Variants in ADAMTSL1 observed in about 807,000 individuals in gnomAD.
ADAMTSL1 encodes ADAMTS like 1.
ADAMTSL1 carries 126 observed loss-of-function variants against 201.8 expected under a neutral mutation model. That is an observed-to-expected ratio of 0.62 (90% CI 0.54 to 0.72). ADAMTSL1 has a LOEUF of 0.72. ADAMTSL1 is among the 30% of genes least tolerant of loss of function. ADAMTSL1 has a pLI of 0.00. For missense variants in ADAMTSL1, 2,679 were observed against 2,277.8 expected, an observed-to-expected ratio of 1.18 and a Z score of -3.59; for synonymous variants, 1,121 against 903.4, an observed-to-expected ratio of 1.24 and a Z score of -4.32.
intron 1 of ADAMTSL1, among the ~76,000 whole-genome samples, chr9:18,161,482 A>T (rs1403582792): frequency 6.6e-6 from 1 of 152,106 alleles, no homozygotes; most frequent in Non-Finnish European, 1.5e-5. Flanking sequence ...TTCATAAAAT[A>T]TGGGATTCAA....
At chr9:18,590,748 A>T (rs1325970247) in intron 4 of ADAMTSL1, among the ~76,000 whole-genome samples, 1 of 152,050 alleles carries the variant, frequency 6.6e-6, no homozygotes, top group Non-Finnish European at 1.5e-5. Flanking sequence ...ATTTTTAAAA[A>T]TTCCTTCTTT....
chr9:18,346,895 A>G (rs781627763), intron 2 of ADAMTSL1, among the ~76,000 whole-genome samples: 1 of 152,170 alleles, frequency 6.6e-6, no homozygotes, highest in Non-Finnish European at 1.5e-5. Flanking sequence ...CTGTCAGACA[A>G]TGGAAGGCCC....
intron 2 of ADAMTSL1, among the ~76,000 whole-genome samples, chr9:18,323,301 A>G (rs1834699589): frequency 6.6e-6 from 1 of 152,226 alleles, no homozygotes; most frequent in African/African-American, 2.4e-5. Flanking sequence ...AATCAGCTCA[A>G]TGGAGTAATA....
At chr9:18,799,450 C>A (rs986605384) in intron 20 of ADAMTSL1, among the ~76,000 whole-genome samples, 1 of 152,148 alleles carries the variant, frequency 6.6e-6, no homozygotes, top group African/African-American at 2.4e-5. Flanking sequence ...AGGTAAATTG[C>A]TTCAGTCTGG....
At chr9:17,964,019 G>C (rs1222821080) in intron 1 of ADAMTSL1, among the ~76,000 whole-genome samples, 1 of 151,988 alleles carries the variant, frequency 6.6e-6, no homozygotes, top group Non-Finnish European at 1.5e-5. Flanking sequence ...GCACCAATTA[G>C]ACAAAGTTTT....
intron 23 of ADAMTSL1, among the ~76,000 whole-genome samples, chr9:18,867,714 C>T (rs1369338998): frequency 6.6e-6 from 1 of 152,120 alleles, no homozygotes; most frequent in South Asian, 2.1e-4. Context: ...GCAACCTCTG[C>T]CTCCTGAGTT....
intron 1 of ADAMTSL1, among the ~76,000 whole-genome samples, chr9:18,015,249 A>G (rs1317138303): frequency 2.0e-5 from 3 of 152,020 alleles, no homozygotes; most frequent in Non-Finnish European, 4.4e-5. Flanking sequence ...CTCTCTCTCA[A>G]TCTCTGTCTC....
intron 2 of ADAMTSL1, among the ~76,000 whole-genome samples, chr9:18,399,641 G>A (rs966619049): frequency 6.6e-5 from 10 of 151,772 alleles, no homozygotes; most frequent in South Asian, 2.1e-4. Flanking sequence ...ATGAGCCACC[G>A]CACCTGGCTA....
At chr9:18,273,424 G>A (rs1336667798) in intron 2 of ADAMTSL1, among the ~76,000 whole-genome samples, 2 of 152,172 alleles carry the variant, frequency 1.3e-5, no homozygotes, top group Non-Finnish European at 2.9e-5. Flanking sequence ...ACTTTTAGTT[G>A]TGTTATTGGA....
chr9:18,585,848 A>C (rs1291299274), intron 4 of ADAMTSL1, among the ~76,000 whole-genome samples: 1 of 152,110 alleles, frequency 6.6e-6, no homozygotes, highest in African/African-American at 2.4e-5. Flanking sequence ...AACTAAAGAC[A>C]ATAGTCCCAG....
At chr9:18,158,365 G>T (rs1417822681) in intron 1 of ADAMTSL1, among the ~76,000 whole-genome samples, 1 of 151,750 alleles carries the variant, frequency 6.6e-6, no homozygotes, top group Non-Finnish European at 1.5e-5. Context: ...CTTTACAGTT[G>T]AATTACTGTT....
At chr9:18,824,013 G>A (rs150190109) in intron 21 of ADAMTSL1, among the ~76,000 whole-genome samples, 8,658 of 151,516 alleles carry the variant, frequency 0.057, 274 homozygotes, top group South Asian at 0.095. Context: ...AGGAAGGAAG[G>A]AAGGAAAGAA....
At chr9:18,342,660 G>A (rs1400680811) in intron 2 of ADAMTSL1, among the ~76,000 whole-genome samples, 1 of 152,170 alleles carries the variant, frequency 6.6e-6, no homozygotes, top group African/African-American at 2.4e-5. Flanking sequence ...GGCCATCATG[G>A]CTAGTGCTGC....
At chr9:18,287,605 G>GTATGTGTATACATATACA (rs1833053206) in intron 2 of ADAMTSL1, among the ~76,000 whole-genome samples, 2 of 134,468 alleles carry the variant, frequency 1.5e-5, no homozygotes, top group African/African-American at 6.1e-5. Context: ...ACACATATAT[G>GTATGTGTATACATATACA]CATATATGTA....
At chr9:17,999,103 C>T in intron 1 of ADAMTSL1, among the ~76,000 whole-genome samples, 1 of 152,060 alleles carries the variant, frequency 6.6e-6, no homozygotes, top group South Asian at 2.1e-4. Context: ...ATAACATGAA[C>T]TGAATACCCA....
chr9:18,069,127 T>G (rs916456208), intron 1 of ADAMTSL1, among the ~76,000 whole-genome samples: 3 of 152,062 alleles, frequency 2.0e-5, no homozygotes, highest in African/African-American at 7.2e-5. Context: ...ATGTAAGCTA[T>G]CTGGCAGCTG....
intron 1 of ADAMTSL1, among the ~76,000 whole-genome samples, chr9:18,092,008 T>G (rs1254840554): frequency 6.6e-6 from 1 of 152,164 alleles, no homozygotes; most frequent in Non-Finnish European, 1.5e-5. Flanking sequence ...CAGTTTCTAA[T>G]TGTAATTTGA....
At chr9:18,649,483 G>T (rs1477891817) in intron 7 of ADAMTSL1, among the ~76,000 whole-genome samples, 5 of 152,094 alleles carry the variant, frequency 3.3e-5, no homozygotes, top group Non-Finnish European at 5.9e-5. Flanking sequence ...AGAGTTTCCA[G>T]TTTTTCTGCT....
chr9:18,207,075 G>A (rs1829680778), intron 2 of ADAMTSL1, among the ~76,000 whole-genome samples: 1 of 152,072 alleles, frequency 6.6e-6, no homozygotes, highest in Non-Finnish European at 1.5e-5. Flanking sequence ...TCAGGTAGGA[G>A]AATCGCTGGA....
Sources: gnomAD v4.1 joint callset for allele counts (sites outside exome capture counted in the v4.1 genomes callset) on GRCh38, gnomAD v4.1.1 for gene constraint, MANE v1.5 for transcripts, NCBI Gene and HGNC (gene_info 2026-07-23, HGNC 2026-07-21) for gene names.